PFKFB4: variants seen among roughly 807,000 people sequenced by gnomAD.
The protein encoded by PFKFB4 is 6-phosphofructo-2-kinase/fructose-2,6-bisphosphatase 4.
Under a neutral mutation model 62.8 loss-of-function variants are expected in PFKFB4, and 42 were observed. The ratio of observed to expected loss-of-function variants is 0.67; its 90% CI spans 0.52 to 0.86. PFKFB4 has a LOEUF of 0.86. PFKFB4 is among the 40% of genes least tolerant of loss of function. The probability of loss-of-function intolerance (pLI) is 0.00; values close to 1 mark genes in which losing one functional copy is unlikely to be tolerated. For synonymous variants in PFKFB4, 204 were observed against 240.7 expected, an observed-to-expected ratio of 0.85 and a Z score of 1.41; for missense variants, 475 against 627.2, an observed-to-expected ratio of 0.76 and a Z score of 2.59.
At chr3:48,555,798 G>A (rs1335440324) in intron 1 of PFKFB4, among the ~76,000 whole-genome samples, 1 of 152,088 alleles carries the variant, frequency 6.6e-6, no homozygotes, top group African/African-American at 2.4e-5. Flanking sequence ...CAGCTAATCG[G>A]GAGGTTGAGG....
upstream of PFKFB4, among the ~76,000 whole-genome samples, chr3:48,557,551 T>G (rs1278323867): frequency 6.6e-6 from 1 of 152,164 alleles, no homozygotes; most frequent in Non-Finnish European, 1.5e-5. Context: ...ACTTTTTTTT[T>G]TTGAGACGGA....
In PFKFB4 at chr3:48,523,541, T is replaced by C; in HGVS notation, c.1281A>G (p.Ala427=). The C allele has an allele frequency of 2.5e-6, 4 of 1,613,950 alleles. No individual in the cohort carries two copies. In the South Asian group the frequency reaches 4.4e-5, roughly 18 times the overall value. The part of the protein sequence containing the change: ...LHTVLKLTPV[A]YGCKVESIFL... Reference sequence around the variant, plus strand: ...ATGTGCAGGAAGCTTCCTTACCATATGCCACAGGAGTCAGCTTCAGGACTG... The same window carrying C: ...ATGTGCAGGAAGCTTCCTTACCATACGCCACAGGAGTCAGCTTCAGGACTG... The change falls in exon 12 of 14, where the codon GCA becomes GCG. Residue 427 remains alanine, a synonymous_variant. Coordinates refer to ENST00000232375, the MANE Select transcript of PFKFB4 (RefSeq NM_004567.4).
At chr3:48,550,952 G>C (rs1409508342) in intron 1 of PFKFB4, among the ~76,000 whole-genome samples, 2 of 152,230 alleles carry the variant, frequency 1.3e-5, no homozygotes, top group Non-Finnish European at 2.9e-5. Flanking sequence ...CAGGATCAGG[G>C]AGGGAGGCAT....
In PFKFB4 at chr3:48,519,633, G is replaced by A; in HGVS notation, c.*114C>T. On this transcript the variant is annotated 3_prime_UTR_variant, in exon 14 of 14. Transcript: ENST00000232375. ...GCTCTGGGTTCCGCCAGCCATGTGT[G>A]GCTTCAAGAATATCCCTGCATGGCA... 1 of 832,814 alleles carries A rather than the reference G, an allele frequency of 1.2e-6. No homozygotes were observed. 51.6% of individuals were successfully genotyped at this position (832,814 alleles called of 1,614,324 possible).
intron 9 of PFKFB4, 101 bp from the exon 10 acceptor site, chr3:48,525,770 C>G (rs1317203159): frequency 1.9e-6 from 1 of 521,318 alleles, no homozygotes; most frequent in East Asian, 3.4e-5. Flanking sequence ...ACCAAGTTCA[C>G]GGGCATTTCC....
intron 9 of PFKFB4, among the ~76,000 whole-genome samples, chr3:48,535,260 A>G (rs1376331679): frequency 6.6e-6 from 1 of 152,180 alleles, no homozygotes; most frequent in Non-Finnish European, 1.5e-5. Context: ...CCCTAGCAGG[A>G]GGCCACAGGG....
At chr3:48,562,226 C>T (rs1428874946), upstream of PFKFB4, 1 of 153,694 alleles carries the variant, frequency 6.5e-6, no homozygotes, top group Non-Finnish European at 1.4e-5. The surrounding 1 kb of genome is among the most constrained non-coding windows in gnomAD (Gnocchi z 4.3). Context: ...CCATCTGGGG[C>T]AGGTGCTGCC....
chr3:48,554,228 C>A (rs2043244149), intron 1 of PFKFB4, among the ~76,000 whole-genome samples: 1 of 152,216 alleles, frequency 6.6e-6, no homozygotes, highest in Non-Finnish European at 1.5e-5. Flanking sequence ...CCATCCCCAC[C>A]CACACCCTCC....
chr3:48,534,264 C>T (rs1314933673), intron 9 of PFKFB4, among the ~76,000 whole-genome samples: 1 of 152,150 alleles, frequency 6.6e-6, no homozygotes, highest in Non-Finnish European at 1.5e-5. Flanking sequence ...AACAGTCTAA[C>T]ACACACAGAG....
At chr3:48,559,454 C>A (rs886919013), upstream of PFKFB4, 2 of 454,078 alleles carry the variant, frequency 4.4e-6, no homozygotes, top group African/African-American at 4.0e-5. Flanking sequence ...AACTCCCAGC[C>A]TTCCAGACCT....
chr3:48,536,463 C>T lies in PFKFB4; in HGVS notation c.633G>A (p.Arg211=), dbSNP rs758851634. ...SYESLDEDLD[R]DLSYIKIMDV... ...CCATGATCTTGATATAGGACAGGTC[C>T]CTGTCCAGAGAGAAAGTAGAAAGAG... Residue 211 remains arginine (R), a splice_region_variant and synonymous_variant, in exon 8 of 14, where the codon AGG becomes AGA. Coordinates refer to ENST00000232375, the MANE Select transcript of PFKFB4 (RefSeq NM_004567.4). The T allele has an allele frequency of 6.2e-7, 1 of 1,603,010 alleles. No individual in the cohort carries two copies. Among genetic ancestry groups the T allele is most frequent in the Non-Finnish European group, 8.5e-7 (1 of 1,170,522 alleles).
intron 10 of PFKFB4, among the ~76,000 whole-genome samples, chr3:48,524,772 CAT>C (rs913566066): frequency 1.8e-4 from 27 of 152,284 alleles, no homozygotes; most frequent in Non-Finnish European, 2.6e-4. Flanking sequence ...TATATGTGTA[CAT>C]ATGTGTGTTG....
At position 48,535,552 on chromosome 3, in the gene PFKFB4, A is replaced by G. The variant is rs2042573695; in HGVS notation, c.947T>C (p.Val316Ala). The change falls in exon 9 of 14, where the codon GTG becomes GCG. Residue 316 changes from valine (V) to alanine (A), a missense_variant. Physicochemically the swap from Val to Ala is moderately conservative, Grantham distance 64. Coordinates refer to ENST00000232375, the MANE Select transcript of PFKFB4 (RefSeq NM_004567.4). The part of the protein sequence containing the change: ...RTIQTAEALG[V>A]PYEQWKVLNE... ...GAGGACCTTCCACTGTTCATAGGGC[A>G]CACCCAGTGCCTCAGCCGTCTGGAT... is the stretch of plus-strand genomic sequence containing the variant. 1 of 1,614,004 alleles carries G rather than the reference A, an allele frequency of 6.2e-7. No homozygotes were observed. The highest frequency in any genetic ancestry group is 8.5e-7 in the Non-Finnish European group (1 of 1,180,026).
chr3:48,539,344 A>C, intron 5 of PFKFB4, 34 bp from the exon 6 acceptor site: 1 of 1,595,492 alleles, frequency 6.3e-7, no homozygotes, highest in Non-Finnish European at 8.6e-7. Flanking sequence ...GGGTGGTGGG[A>C]GGGAGGAACA....
chr3:48,523,541 T>G lies in PFKFB4; in HGVS notation c.1281A>C (p.Ala427=). ...LHTVLKLTPV[A]YGCKVESIFL... ...ATGTGCAGGAAGCTTCCTTACCATA[T>G]GCCACAGGAGTCAGCTTCAGGACTG... The change falls in exon 12 of 14, where the codon GCA becomes GCC. Residue 427 remains alanine (A), a synonymous_variant. Transcript: ENST00000232375. 6.2e-7 allele frequency: 1 copy of G among 1,613,950 alleles called. No homozygotes were observed.
intron 1 of PFKFB4, among the ~76,000 whole-genome samples, chr3:48,552,242 C>T (rs927426007): frequency 6.6e-6 from 1 of 152,248 alleles, no homozygotes; most frequent in African/African-American, 2.4e-5. Context: ...GCCCTCTGTC[C>T]TACCCTGGCG....
At chr3:48,557,868 G>A (rs969897263), upstream of PFKFB4, among the ~76,000 whole-genome samples, 2 of 152,144 alleles carry the variant, frequency 1.3e-5, no homozygotes, top group Admixed American at 6.5e-5. Context: ...AGTACTTTGG[G>A]TACTCACTAA....
intron 3 of PFKFB4, among the ~76,000 whole-genome samples, chr3:48,546,357 T>C (rs1008667411): frequency 6.7e-6 from 1 of 149,622 alleles, no homozygotes; most frequent in Non-Finnish European, 1.5e-5. Context: ...GGTGACCATG[T>C]GTGTACACAT....
At chr3:48,539,558 C>T (rs904687979) in intron 5 of PFKFB4, 139 bp downstream of exon 5, 71 of 798,096 alleles carry the variant, frequency 8.9e-5, no homozygotes, top group Non-Finnish European at 1.4e-4. Flanking sequence ...CAAGTGGAGA[C>T]AGCCCCTCTC....
Sources: allele counts gnomAD v4.1 joint callset (sites outside exome capture counted in the v4.1 genomes callset), GRCh38; gene constraint gnomAD v4.1.1; non-coding constraint Gnocchi (gnomAD v3.1); transcripts MANE v1.5; gene names NCBI Gene and HGNC (gene_info 2026-07-23, HGNC 2026-07-21).